GLYR1: variants seen among roughly 807,000 people sequenced by gnomAD.
GLYR1 encodes cytokine-like nuclear factor N-PAC.
In GLYR1, 21 loss-of-function variants were observed where a neutral mutation model predicts 72.7. That is an observed-to-expected ratio of 0.29 (90% CI 0.20 to 0.42). The LOEUF (loss-of-function observed/expected upper bound fraction) is 0.42, where lower values mean the gene tolerates loss of function less well. Ranked by LOEUF, GLYR1 falls within the 10% of genes least tolerant of loss-of-function variation. The pLI is 1.00. For missense variants in GLYR1, 594 were observed against 712.1 expected, an observed-to-expected ratio of 0.83 and a Z score of 1.89; for synonymous variants, 392 against 270.2, an observed-to-expected ratio of 1.45 and a Z score of -4.42.
chr16:4,833,180 ATTAT>A (rs2084904714), intron 3 of GLYR1: 2 of 308,406 alleles, frequency 6.5e-6, no homozygotes, highest in South Asian at 9.8e-5. Context: ...TGTGTTGCAG[ATTAT>A]TTATTTCCAC....
chr16:4,837,688 G>T (rs765528308), intron 3 of GLYR1, among the ~76,000 whole-genome samples: 1 of 151,942 alleles, frequency 6.6e-6, no homozygotes, highest in Non-Finnish European at 1.5e-5. Context: ...GGTAGCTCAC[G>T]CCTATAATCC....
chr16:4,827,063 G>C (rs185009572), intron 5 of GLYR1, among the ~76,000 whole-genome samples: 4 of 152,370 alleles, frequency 2.6e-5, no homozygotes. Context: ...GGTGGGCGCT[G>C]CTGGGGTGCA....
At chr16:4,828,560 T>C (rs1158038544) in intron 5 of GLYR1, among the ~76,000 whole-genome samples, 3 of 152,036 alleles carry the variant, frequency 2.0e-5, no homozygotes, top group African/African-American at 7.2e-5. Context: ...AAGGGCTGTC[T>C]GCAGTTTATT....
intron 5 of GLYR1, among the ~76,000 whole-genome samples, chr16:4,828,396 T>C (rs2084565238): frequency 6.6e-6 from 1 of 152,094 alleles, no homozygotes; most frequent in Non-Finnish European, 1.5e-5. Context: ...AAAAGACATA[T>C]TGCTATTGTA....
intron 5 of GLYR1, among the ~76,000 whole-genome samples, chr16:4,826,289 T>C (rs1178785261): frequency 6.6e-6 from 1 of 152,156 alleles, no homozygotes; most frequent in Non-Finnish European, 1.5e-5. Context: ...AATTTTTTGT[T>C]TTTATAGGGT....
Position 4,832,196 on chromosome 16 carries a change from T to C in GLYR1, c.320A>G (p.Asp107Gly). The change falls in exon 5 of 16, where the codon GAC (aspartate) becomes GGC (glycine). Residue 107 changes from aspartate (D) to glycine (G), a missense_variant. Physicochemically the swap from Asp to Gly is moderately conservative, Grantham distance 94. Transcript: ENST00000321919. The part of the protein sequence containing the change: ...DQTSSHNSSD[D>G]KNRRNSSEER... ...CTCACTGGAATTACGTCGATTCTTG[T>C]CATCAGAAGAATTGTGGGATGACGT... 1 of 1,614,158 alleles carries C rather than the reference T, an allele frequency of 6.2e-7. No homozygotes were observed.
intron 3 of GLYR1, among the ~76,000 whole-genome samples, chr16:4,833,629 GT>G (rs2084934155): frequency 7.0e-6 from 1 of 143,712 alleles, no homozygotes; most frequent in African/African-American, 2.7e-5. Context: ...ATGGCATGCT[GT>G]TTTATGATGT....
chr16:4,811,827 C>A, intron 13 of GLYR1, 25 bp from the exon 14 acceptor site: 1 of 1,601,532 alleles, frequency 6.2e-7, no homozygotes, highest in South Asian at 1.1e-5. Context: ...GACTCACGGT[C>A]ACAGCCCAAG....
At chr16:4,823,764 C>T (rs1015049302) in intron 6 of GLYR1, 57 bp downstream of exon 6, 5 of 1,082,888 alleles carry the variant, frequency 4.6e-6, no homozygotes, top group Non-Finnish European at 6.8e-6. Context: ...AAAAAAGGAT[C>T]ACACAGGAAC....
rs761563702 is a variant in GLYR1, at chr16:4,812,267, G to T, written c.1120-19C>A. Reference sequence around the variant, plus strand: ...CAATCACCTGGAAAGAAAAGTCACAGCTTCTGGAGGCCTCCCCTCTCCCAG... The same window carrying T: ...CAATCACCTGGAAAGAAAAGTCACATCTTCTGGAGGCCTCCCCTCTCCCAG... On this transcript the variant is annotated intron_variant, in intron 12 of 15. Transcript: ENST00000321919. 2 of 1,606,464 alleles carry T rather than the reference G, an allele frequency of 1.2e-6. No homozygotes were observed. The highest frequency in any genetic ancestry group is 1.7e-6 in the Non-Finnish European group (2 of 1,177,912).
chr16:4,832,687 T>G (rs2084874494), intron 4 of GLYR1, 87 bp downstream of exon 4: 1 of 1,408,330 alleles, frequency 7.1e-7, no homozygotes, highest in African/African-American at 1.4e-5. Flanking sequence ...GAACAAAGGT[T>G]TGCGTTTGGG....
intron 3 of GLYR1, among the ~76,000 whole-genome samples, chr16:4,844,153 C>T (rs1170044986): frequency 6.6e-6 from 1 of 151,198 alleles, no homozygotes; most frequent in Non-Finnish European, 1.5e-5. Flanking sequence ...TCTAGCTAGA[C>T]CCAGGTAAGC....
At chr16:4,807,197 C>T (rs551171704) in intron 15 of GLYR1, among the ~76,000 whole-genome samples, 5 of 151,320 alleles carry the variant, frequency 3.3e-5, no homozygotes, top group East Asian at 2.0e-4. Context: ...CTGCAACCTC[C>T]GCCTCCTGGG....
Position 4,823,907 on chromosome 16 carries a change from C to G in GLYR1, c.538G>C (p.Asp180His), listed in dbSNP as rs1180548945. 2 of 1,612,864 alleles carry G rather than the reference C, an allele frequency of 1.2e-6. No individual in the cohort carries two copies. Among genetic ancestry groups the G allele is most frequent in the East Asian group, 2.2e-5 (1 of 44,874 alleles). Reference sequence around the variant, plus strand: ...GTACTAGACTCCGGGATGGTGAGATCCTATAGAGGGAGGGGCAGGGCATTT... The same window carrying G: ...GTACTAGACTCCGGGATGGTGAGATGCTATAGAGGGAGGGGCAGGGCATTT... ...KRGRPPKDEK[D>H]LTIPESSTVK... Residue 180 changes from aspartate to histidine, a missense_variant and splice_region_variant, in exon 6 of 16, where the codon GAT (aspartate) becomes CAT (histidine). Physicochemically the swap from Asp to His is moderately conservative, Grantham distance 81. Around this residue, in one of 5 missense-constraint regions of GLYR1, gnomAD observed 252 missense variants for 211.3 expected, o/e 1.19. Coordinates refer to ENST00000321919, the MANE Select transcript of GLYR1 (RefSeq NM_032569.4).
At chr16:4,820,453 GTTGGGTAAAA>G (rs1212936144) in intron 9 of GLYR1, among the ~76,000 whole-genome samples, 1 of 152,074 alleles carries the variant, frequency 6.6e-6, no homozygotes, top group Non-Finnish European at 1.5e-5. Context: ...CAATAAATGT[GTTGGGTAAAA>G]ACATCAGGAC....
chr16:4,824,105 G>C (rs1024492267), intron 5 of GLYR1, among the ~76,000 whole-genome samples, 198 bp from the exon 6 acceptor site: 1 of 152,138 alleles, frequency 6.6e-6, no homozygotes, highest in African/African-American at 2.4e-5. Flanking sequence ...AATAAAATGT[G>C]TACTTATGTC....
At chr16:4,846,322 C>T in intron 1 of GLYR1, 112 bp from the exon 2 acceptor site, 4 of 1,222,222 alleles carry the variant, frequency 3.3e-6, no homozygotes, top group South Asian at 1.2e-5. Flanking sequence ...CCTCAAATGC[C>T]GAAACAAAAG....
chr16:4,842,788 A>G (rs931321243), intron 3 of GLYR1, among the ~76,000 whole-genome samples: 5 of 152,036 alleles, frequency 3.3e-5, no homozygotes, highest in Middle Eastern at 3.2e-3. Context: ...CAACCTCCGC[A>G]TCCCAGGTTC....
At chr16:4,806,907 C>T (rs570410392) in intron 15 of GLYR1, among the ~76,000 whole-genome samples, 3 of 146,904 alleles carry the variant, frequency 2.0e-5, no homozygotes, top group South Asian at 2.2e-4. Context: ...CCCGGGTTCA[C>T]GCCATTCTCC....
Sources: gnomAD v4.1 joint callset for allele counts (sites outside exome capture counted in the v4.1 genomes callset) on GRCh38, gnomAD v4.1.1 for gene constraint, gnomAD v4.1.1 regional missense constraint, MANE v1.5 for transcripts, NCBI Gene and HGNC (gene_info 2026-07-23, HGNC 2026-07-21) for gene names.